Variants in STK4 observed in about 807,000 individuals in gnomAD.
The protein encoded by STK4 is serine/threonine-protein kinase 4.
In STK4, 30 loss-of-function variants were observed where a neutral mutation model predicts 64.9. The ratio of observed to expected loss-of-function variants is 0.46; its 90% CI spans 0.35 to 0.63. The LOEUF is 0.63. STK4 is among the 20% of genes least tolerant of loss of function. The probability of loss-of-function intolerance (pLI) is 0.01; values close to 1 mark genes in which losing one functional copy is unlikely to be tolerated. For missense variants in STK4, 466 were observed against 598.5 expected, an observed-to-expected ratio of 0.78 and a Z score of 2.31; for synonymous variants, 177 against 199.0, an observed-to-expected ratio of 0.89 and a Z score of 0.93.
chr20:45,034,514 A>G (rs377063882), intron 10 of STK4, among the ~76,000 whole-genome samples: 10 of 152,228 alleles, frequency 6.6e-5, no homozygotes, highest in African/African-American at 2.2e-4. Context: ...GCATAAAAAT[A>G]TGCAAGATAC....
chr20:44,976,354 A>G (rs1057271471), intron 2 of STK4, among the ~76,000 whole-genome samples: 1 of 152,236 alleles, frequency 6.6e-6, no homozygotes, highest in African/African-American at 2.4e-5. Flanking sequence ...AGAGGAAATA[A>G]TCACATAATA....
chr20:45,070,990 C>T (rs1006698380), intron 10 of STK4, among the ~76,000 whole-genome samples: 1 of 151,974 alleles, frequency 6.6e-6, no homozygotes, highest in Non-Finnish European at 1.5e-5. Flanking sequence ...AATTACTTTC[C>T]ACTGGATCCG....
chr20:45,001,055 C>A, intron 8 of STK4, 112 bp from the exon 9 acceptor site: 1 of 1,212,770 alleles, frequency 8.2e-7, no homozygotes, highest in Non-Finnish European at 1.1e-6. Flanking sequence ...AGTTTAGGAC[C>A]TGAATAAGTG....
At chr20:44,989,787 A>G (rs540399213) in intron 5 of STK4, among the ~76,000 whole-genome samples, 1 of 152,304 alleles carries the variant, frequency 6.6e-6, no homozygotes, top group South Asian at 2.1e-4. Flanking sequence ...ATCCAATTTC[A>G]TTCTTTTATA....
chr20:45,066,014 C>T (rs868635706), intron 10 of STK4, among the ~76,000 whole-genome samples: 5 of 152,116 alleles, frequency 3.3e-5, no homozygotes, highest in Middle Eastern at 3.4e-3. Context: ...GTGATGCTGG[C>T]AATTTGGATT....
chr20:45,027,378 C>T (rs894268070), intron 10 of STK4, among the ~76,000 whole-genome samples: 6 of 144,676 alleles, frequency 4.1e-5, no homozygotes, highest in African/African-American at 7.8e-5. Context: ...TGTGGTGAGC[C>T]GAGATCATGC....
chr20:44,998,401 T>C (rs531200888), intron 7 of STK4, among the ~76,000 whole-genome samples: 60 of 152,322 alleles, frequency 3.9e-4, no homozygotes, highest in African/African-American at 1.4e-3. Context: ...TAATGTGTGT[T>C]ACTTTGAACA....
At chr20:44,997,515 T>C (rs35969770) in intron 7 of STK4, among the ~76,000 whole-genome samples, 18,931 of 152,176 alleles carry the variant, frequency 0.12, 1,542 homozygotes, top group East Asian at 0.22. Flanking sequence ...GGTGAAACCA[T>C]GTCTCTACAA....
intron 5 of STK4, among the ~76,000 whole-genome samples, chr20:44,990,672 A>C (rs540066839): frequency 3.9e-5 from 6 of 152,150 alleles, no homozygotes; most frequent in South Asian, 2.1e-4. Flanking sequence ...CTGATTCACA[A>C]CACCACCCAC....
intron 10 of STK4, among the ~76,000 whole-genome samples, chr20:45,033,921 T>C (rs1283847415): frequency 1.3e-5 from 2 of 152,118 alleles, no homozygotes; most frequent in Non-Finnish European, 2.9e-5. Flanking sequence ...CCACGTTACC[T>C]GACTATAATG....
At chr20:45,001,993 A>G (rs1237389119) in intron 9 of STK4, among the ~76,000 whole-genome samples, 1 of 152,210 alleles carries the variant, frequency 6.6e-6, no homozygotes, top group Non-Finnish European at 1.5e-5. Context: ...AGATTAAGGC[A>G]CTGTAGAAAT....
chr20:45,012,521 A>G (rs1481300699), intron 9 of STK4, among the ~76,000 whole-genome samples: 1 of 152,184 alleles, frequency 6.6e-6, no homozygotes, highest in Non-Finnish European at 1.5e-5. Flanking sequence ...AGATAATTTT[A>G]TAATTGTACC....
chr20:45,060,125 T>C (rs1978860168), intron 10 of STK4, among the ~76,000 whole-genome samples: 1 of 152,166 alleles, frequency 6.6e-6, no homozygotes, highest in African/African-American at 2.4e-5. Context: ...AAGAAAAAGA[T>C]ACAGGATTGA....
chr20:44,972,147 A>G lies in STK4; in HGVS notation c.105A>G (p.Lys35=), dbSNP rs772546928. The part of the protein sequence containing the change: ...QPEEVFDVLE[K]LGEGSYGSVY... ...AAGAAGTATTTGATGTCTTAGAGAA[A>G]CTTGGAGAAGGGTGAGTGTAAAGAA... is the stretch of plus-strand genomic sequence containing the variant. The change falls in exon 2 of 11, where the codon AAA becomes AAG. Residue 35 remains lysine, a synonymous_variant. Coordinates refer to ENST00000372806, the MANE Select transcript of STK4 (RefSeq NM_006282.5). The G allele has an allele frequency of 2.5e-6, 4 of 1,613,774 alleles. No homozygotes were observed. Among genetic ancestry groups the G allele is most frequent in the Non-Finnish European group, 3.4e-6 (4 of 1,179,858 alleles).
intron 10 of STK4, among the ~76,000 whole-genome samples, chr20:45,046,712 T>G (rs1427718341): frequency 6.6e-6 from 1 of 151,836 alleles, no homozygotes; most frequent in Non-Finnish European, 1.5e-5. Flanking sequence ...GATGAAGCCT[T>G]GCTCTGTCAC....
rs1004973522 is a variant in STK4, at chr20:45,075,825, A to G, written c.*649A>G. Reference sequence around the variant, plus strand: ...CTTCTGGAGCTATTGGTGATGTCCAAGGGAAAGCTTTGAGAGTTTATGTTT... The same window carrying G: ...CTTCTGGAGCTATTGGTGATGTCCAGGGGAAAGCTTTGAGAGTTTATGTTT... On this transcript the variant is annotated 3_prime_UTR_variant, in exon 11 of 11. Coordinates refer to ENST00000372806, the MANE Select transcript of STK4 (RefSeq NM_006282.5). 5.9e-5 allele frequency: 9 copies of G among 152,658 alleles called. No homozygotes were observed. The highest frequency in any genetic ancestry group is 2.2e-4 in the African/African-American group (9 of 41,450). 9.5% of individuals were successfully genotyped at this position (152,658 alleles called of 1,614,324 possible).
intron 10 of STK4, among the ~76,000 whole-genome samples, chr20:45,060,205 G>T (rs950948119): frequency 6.6e-6 from 1 of 152,160 alleles, no homozygotes; most frequent in Non-Finnish European, 1.5e-5. Flanking sequence ...GACAGAATTA[G>T]ATCCAGCAGA....
intron 9 of STK4, among the ~76,000 whole-genome samples, chr20:45,014,425 A>G (rs185829927): frequency 1.1e-4 from 17 of 152,248 alleles, no homozygotes; most frequent in Admixed American, 1.1e-3. Flanking sequence ...GACTGTCTCA[A>G]AATAAAATAA....
At chr20:45,044,865 A>G (rs934522467) in intron 10 of STK4, among the ~76,000 whole-genome samples, 8 of 152,212 alleles carry the variant, frequency 5.3e-5, no homozygotes, top group African/African-American at 1.9e-4. Flanking sequence ...AAAATTAAAC[A>G]TAATAGTACC....
Sources: allele counts gnomAD v4.1 joint callset (sites outside exome capture counted in the v4.1 genomes callset), GRCh38; gene constraint gnomAD v4.1.1; transcripts MANE v1.5; gene names NCBI Gene and HGNC (gene_info 2026-07-23, HGNC 2026-07-21).